CFLAR: variants seen among roughly 807,000 people sequenced by gnomAD.
CFLAR encodes CASP8 and FADD like apoptosis regulator.
A neutral mutation model predicts 51.1 loss-of-function variants in CFLAR; 14 were observed. The ratio of observed to expected loss-of-function variants is 0.27; its 90% CI spans 0.18 to 0.43. The LOEUF is 0.43. CFLAR is among the 20% of genes least tolerant of loss of function. The pLI, the probability that CFLAR is intolerant of heterozygous loss-of-function variation, is 1.00. For missense variants in CFLAR, 390 were observed against 566.5 expected, an observed-to-expected ratio of 0.69 and a Z score of 3.16; for synonymous variants, 210 against 211.6, an observed-to-expected ratio of 0.99 and a Z score of 0.06.
At chr2:201,163,539 C>T (rs546737140) in intron 9 of CFLAR, 9 of 1,188,570 alleles carry the variant, frequency 7.6e-6, no homozygotes, top group Middle Eastern at 3.6e-4. Context: ...CTCCATGGGC[C>T]GGTGGTATTA....
At position 201,129,870 on chromosome 2, in the gene CFLAR, C is replaced by T; in HGVS notation, c.5C>T (p.Ser2Phe). ...CTTCCCTAGTCTAAGAGTAGGATGT[C>T]TGCTGAAGTCATCCATCAGGTTGAA... M[S>F]AEVIHQVEEA... The change falls in exon 2 of 10, where the codon TCT becomes TTT. Residue 2 changes from serine to phenylalanine, a missense_variant. Coordinates refer to ENST00000309955, the MANE Select transcript of CFLAR (RefSeq NM_003879.7). 1 of 1,613,988 alleles carries T rather than the reference C, an allele frequency of 6.2e-7. No individual in the cohort carries two copies. The highest frequency in any genetic ancestry group is 2.2e-5 in the East Asian group (1 of 44,888).
chr2:201,140,248 T>C, intron 4 of CFLAR, 109 bp from the exon 5 acceptor site: 1 of 1,386,856 alleles, frequency 7.2e-7, no homozygotes, highest in Non-Finnish European at 9.9e-7. Flanking sequence ...GCTAGAAAGT[T>C]TAGGGTATTT....
At chr2:201,155,594 T>C (rs1243448647) in intron 8 of CFLAR, among the ~76,000 whole-genome samples, 1 of 151,936 alleles carries the variant, frequency 6.6e-6, no homozygotes, top group Non-Finnish European at 1.5e-5. Flanking sequence ...TCTATCCTGC[T>C]CTTTCTGAAA....
In CFLAR at chr2:201,124,460, G is replaced by A. The variant is rs984694938; in HGVS notation, c.-137-5269G>A. Among the ~76,000 whole-genome samples the A allele has an allele frequency of 3.9e-5, 6 of 152,110 alleles. No individual in the cohort carries two copies. The highest frequency in any genetic ancestry group is 2.6e-4 in the Admixed American group (4 of 15,272). On this transcript the variant is annotated intron_variant, in intron 1 of 9. Transcript: ENST00000309955. The surrounding 1 kb of genome is among the most constrained non-coding windows in gnomAD (Gnocchi z 4.7). ...AGAGACTTTTGTGCCTCAACCCCTC[G>A]AGTAGCTGGGATTACAGACATGCAG...
In CFLAR at chr2:201,169,736, A is replaced by G. The variant is rs1166587308; in HGVS notation, c.*5763A>G. 6.6e-6 allele frequency: 1 copy of G among 152,218 alleles called. No homozygotes were observed. The highest frequency in any genetic ancestry group is 2.4e-5 in the African/African-American group (1 of 41,464). 9.4% of individuals were successfully genotyped at this position (152,218 alleles called of 1,614,324 possible). On this transcript the variant is annotated 3_prime_UTR_variant, in exon 10 of 10. Transcript: ENST00000309955. ...CAAAGGTCTAATATCCAGAACCTAC[A>G]AGGAACTTAAAACAAATTTACAAGG...
At chr2:201,163,753 C>A in intron 9 of CFLAR, 82 bp from the exon 10 acceptor site, 1 of 1,535,558 alleles carries the variant, frequency 6.5e-7, no homozygotes, top group Non-Finnish European at 8.7e-7. Context: ...ACTTTCACAT[C>A]TGTTGGCTCA....
chr2:201,148,625 G>T, intron 6 of CFLAR: 1 of 209,506 alleles, frequency 4.8e-6, no homozygotes, highest in Non-Finnish European at 9.9e-6. Context: ...TTCCCTTTAG[G>T]TATTGTCAAC....
chr2:201,158,844 G>A (rs1212614988), intron 8 of CFLAR, among the ~76,000 whole-genome samples: 2 of 126,604 alleles, frequency 1.6e-5, no homozygotes, highest in East Asian at 4.4e-4. Flanking sequence ...AACGGCATTT[G>A]CCCTCATCAT....
intron 1 of CFLAR, among the ~76,000 whole-genome samples, chr2:201,121,581 G>A (rs977439196): frequency 3.3e-5 from 5 of 152,114 alleles, no homozygotes; most frequent in Non-Finnish European, 7.4e-5. Context: ...AGCAGGTAGT[G>A]CTTTTTACAG....
chr2:201,127,407 C>T (rs983088414), intron 1 of CFLAR, among the ~76,000 whole-genome samples: 1 of 152,118 alleles, frequency 6.6e-6, no homozygotes, highest in Non-Finnish European at 1.5e-5. Context: ...GTAATCTCAG[C>T]ATTTCGGAAG....
intron 3 of CFLAR, 28 bp downstream of exon 3, chr2:201,133,162 C>T (rs1312922761): frequency 6.4e-7 from 1 of 1,561,230 alleles, no homozygotes; most frequent in Admixed American, 1.7e-5. Context: ...GGTTCATGGC[C>T]CCAGGAGCCT....
At chr2:201,152,548 G>A (rs1363320711) in intron 8 of CFLAR, among the ~76,000 whole-genome samples, 1 of 152,140 alleles carries the variant, frequency 6.6e-6, no homozygotes, top group Admixed American at 6.5e-5. Context: ...AACCACCTAA[G>A]CAAGAGCTCA....
chr2:201,159,605 G>A (rs1258434881), intron 8 of CFLAR, among the ~76,000 whole-genome samples: 1 of 152,176 alleles, frequency 6.6e-6, no homozygotes, highest in African/African-American at 2.4e-5. Flanking sequence ...ACTGCGCCCA[G>A]CCAATAATTC....
At chr2:201,137,623 G>A (rs1301897863) in intron 4 of CFLAR, 102 of 755,918 alleles carry the variant, frequency 1.3e-4, no homozygotes, top group Admixed American at 1.2e-3. Context: ...ATCATGGACC[G>A]AAGGACAGAC....
At chr2:201,143,629 G>A (rs1939462463) in intron 5 of CFLAR, among the ~76,000 whole-genome samples, 1 of 152,214 alleles carries the variant, frequency 6.6e-6, no homozygotes, top group Non-Finnish European at 1.5e-5. Flanking sequence ...AAAAATTACT[G>A]TATGATTAAA....
At chr2:201,132,418 T>A in intron 2 of CFLAR, among the ~76,000 whole-genome samples, 1 of 129,654 alleles carries the variant, frequency 7.7e-6, no homozygotes, top group Non-Finnish European at 1.6e-5. Flanking sequence ...GTCTATTTCC[T>A]AGGGGGGGAA....
intron 4 of CFLAR, chr2:201,136,338 G>A: frequency 6.3e-7 from 1 of 1,598,586 alleles, no homozygotes; most frequent in South Asian, 1.1e-5. Context: ...CTGCCAAGCA[G>A]TTCTTAACAT....
intron 1 of CFLAR, among the ~76,000 whole-genome samples, chr2:201,127,583 T>TTATTCGGACCCCA (rs2125644753): frequency 6.6e-6 from 1 of 152,304 alleles, no homozygotes; most frequent in East Asian, 1.9e-4. Flanking sequence ...AAAGTGGTGA[T>TTATTCGGACCCCA]TATTCGGACC....
rs1041248041 is a variant in CFLAR, at chr2:201,171,430, T to G, written c.*7457T>G. On this transcript the variant is annotated 3_prime_UTR_variant, in exon 10 of 10. Coordinates refer to ENST00000309955, the MANE Select transcript of CFLAR (RefSeq NM_003879.7). Reference sequence around the variant, plus strand: ...AAACCAAACACCACATGTTCTCACTTGTAAGCGGAAGCTGAACAATGAGAA... The same window carrying G: ...AAACCAAACACCACATGTTCTCACTGGTAAGCGGAAGCTGAACAATGAGAA... 2.6e-5 allele frequency: 4 copies of G among 152,144 alleles called. No individual in the cohort carries two copies. The highest frequency in any genetic ancestry group is 9.7e-5 in the African/African-American group (4 of 41,424). The allele number at this position is 152,144 out of a possible 1,614,324, so 9.4% of individuals were successfully genotyped here. A position where few individuals can be genotyped will look rare whatever the true frequency, so the allele number is the denominator to read the frequency against.
Sources: allele counts gnomAD v4.1 joint callset (sites outside exome capture counted in the v4.1 genomes callset), GRCh38; gene constraint gnomAD v4.1.1; non-coding constraint Gnocchi (gnomAD v3.1); transcripts MANE v1.5; gene names NCBI Gene and HGNC (gene_info 2026-07-23, HGNC 2026-07-21).